Variants in ROBO2 observed in about 807,000 individuals in gnomAD.
ROBO2 encodes the protein roundabout homolog 2.
In ROBO2, 53 loss-of-function variants were observed where a neutral mutation model predicts 160.8. That is an observed-to-expected ratio of 0.33 (90% CI 0.26 to 0.41). The LOEUF (loss-of-function observed/expected upper bound fraction) is 0.41, where lower values mean the gene tolerates loss of function less well. Ranked by LOEUF, ROBO2 falls within the 10% of genes least tolerant of loss-of-function variation. The pLI is 1.00. For missense variants in ROBO2, 1,577 were observed against 1,722.4 expected (o/e 0.92, Z 1.49); for synonymous variants, 664 against 611.7 (o/e 1.09, Z -1.26).
At chr3:77,223,585 C>T (rs1240371842) in intron 2 of ROBO2, among the ~76,000 whole-genome samples, 2 of 152,000 alleles carry the variant, frequency 1.3e-5, no homozygotes, top group Non-Finnish European at 2.9e-5. Context: ...TTGCTTTCTC[C>T]TATAGATTCA....
At chr3:76,386,200 C>T (rs1268432849) in intron 2 of ROBO2, among the ~76,000 whole-genome samples, 2 of 152,054 alleles carry the variant, frequency 1.3e-5, no homozygotes, top group Non-Finnish European at 2.9e-5. Flanking sequence ...TATTCATGCA[C>T]ATTTAATAAA....
intron 2 of ROBO2, among the ~76,000 whole-genome samples, chr3:76,931,291 T>A (rs7431842): frequency 0.45 from 68,380 of 151,930 alleles, 15,719 homozygotes; most frequent in African/African-American, 0.54. Context: ...AAGCAGAACC[T>A]AATCAATTTA....
At chr3:76,751,097 G>A (rs2093977719) in intron 2 of ROBO2, among the ~76,000 whole-genome samples, 1 of 151,946 alleles carries the variant, frequency 6.6e-6, no homozygotes, top group South Asian at 2.1e-4. Flanking sequence ...CCAAAACAGA[G>A]ATATAGACCA....
intron 2 of ROBO2, among the ~76,000 whole-genome samples, chr3:77,421,900 A>G (rs906488998): frequency 4.6e-5 from 7 of 152,308 alleles, no homozygotes; most frequent in Non-Finnish European, 1.0e-4. Context: ...CTGTCTAAAA[A>G]TGTTATTTCC....
chr3:77,414,668 G>C (rs780515852), intron 2 of ROBO2, among the ~76,000 whole-genome samples: 3 of 152,130 alleles, frequency 2.0e-5, no homozygotes, highest in Non-Finnish European at 4.4e-5. Context: ...AGAGAAGGGA[G>C]ATAATGGGTG....
intron 2 of ROBO2, among the ~76,000 whole-genome samples, chr3:76,059,602 C>T (rs1213590725): frequency 6.6e-6 from 1 of 152,018 alleles, no homozygotes; most frequent in African/African-American, 2.4e-5. Flanking sequence ...CTGTAAGTTG[C>T]CTGTTCACTC....
At chr3:76,289,116 C>T (rs146855296) in intron 2 of ROBO2, among the ~76,000 whole-genome samples, 358 of 152,244 alleles carry the variant, frequency 2.4e-3, no homozygotes, top group African/African-American at 8.1e-3. Flanking sequence ...CCACCAGTAG[C>T]GTATAAGGGT....
intron 2 of ROBO2, among the ~76,000 whole-genome samples, chr3:76,536,043 C>T (rs1424688952): frequency 2.0e-5 from 3 of 152,096 alleles, no homozygotes; most frequent in Non-Finnish European, 4.4e-5. Flanking sequence ...ACAGGTGGGA[C>T]ATGGCTTAGG....
chr3:77,481,002 A>G (rs2084623721), intron 3 of ROBO2, 97 bp from the exon 4 acceptor site: 7 of 1,128,178 alleles, frequency 6.2e-6, no homozygotes, highest in Non-Finnish European at 9.2e-6. Flanking sequence ...TGGGAAACAA[A>G]TATGCTCAAA....
chr3:76,257,077 A>G (rs1204700117), intron 2 of ROBO2, among the ~76,000 whole-genome samples: 1 of 152,016 alleles, frequency 6.6e-6, no homozygotes, highest in African/African-American at 2.4e-5. Context: ...AGGGATTACA[A>G]CTCATAACAT....
chr3:77,062,197 C>T (rs2066393270), intron 1 of ROBO2, among the ~76,000 whole-genome samples: 1 of 152,122 alleles, frequency 6.6e-6, no homozygotes, highest in African/African-American at 2.4e-5. Context: ...TGTTAAGATT[C>T]ACCCATTTCT....
chr3:77,174,395 G>A (rs959321397), intron 2 of ROBO2, among the ~76,000 whole-genome samples: 4 of 151,778 alleles, frequency 2.6e-5, no homozygotes, highest in East Asian at 1.9e-4. Context: ...ATATTAGCCC[G>A]TATTAATAGG....
At chr3:77,388,790 A>G (rs957247423) in intron 2 of ROBO2, among the ~76,000 whole-genome samples, 1 of 152,234 alleles carries the variant, frequency 6.6e-6, no homozygotes, top group Non-Finnish European at 1.5e-5. Context: ...AGGAACCTTA[A>G]TACACCAATA....
chr3:77,626,992 A>G (rs2095041529), intron 23 of ROBO2, among the ~76,000 whole-genome samples: 2 of 152,146 alleles, frequency 1.3e-5, no homozygotes, highest in African/African-American at 4.8e-5. Context: ...TTGACCTGAA[A>G]CTTTGCTTTT....
rs1358165513 is a variant in ROBO2, at chr3:76,789,559, G to C, written c.110-308455G>C. ...TCTGTTCCCCTTCCTATTGTACTGCGGATGCAGTAATTAGTTTGCAAAGAG... is the reference window on the plus strand; with the variant it reads ...TCTGTTCCCCTTCCTATTGTACTGCCGATGCAGTAATTAGTTTGCAAAGAG... On this transcript the variant is annotated intron_variant, in intron 2 of 26. Transcript: ENST00000487694. 2.0e-5 allele frequency among the ~76,000 whole-genome samples: 3 copies of C among 151,464 alleles called. No homozygotes were observed. The South Asian group carries it at 6.2e-4, about 31-fold the overall frequency.
In ROBO2 at chr3:76,639,207, C is replaced by T. The variant is rs375339614; in HGVS notation, c.110-458807C>T. Reference sequence around the variant, plus strand: ...ATACATGTGTATATGTATCTATAAGCATGTATATGTACATATTTACATATA... The same window carrying T: ...ATACATGTGTATATGTATCTATAAGTATGTATATGTACATATTTACATATA... On this transcript the variant is annotated intron_variant, in intron 2 of 26. Transcript: ENST00000487694. Among the ~76,000 whole-genome samples the T allele has an allele frequency of 3.7e-4, 56 of 151,626 alleles. No individual in the cohort carries two copies. In the South Asian group the frequency reaches 0.012, roughly 32 times the overall value.
chr3:75,996,694 C>A (rs1415872066), intron 2 of ROBO2, among the ~76,000 whole-genome samples: 2 of 151,956 alleles, frequency 1.3e-5, no homozygotes, highest in African/African-American at 4.8e-5. Context: ...AATAATTTAC[C>A]TTTTCCTCCT....
intron 2 of ROBO2, among the ~76,000 whole-genome samples, chr3:75,961,268 A>G (rs1372303333): frequency 6.6e-6 from 1 of 151,722 alleles, no homozygotes. Flanking sequence ...GCTAGAACAT[A>G]TTATATATTT....
At chr3:76,438,258 C>T (rs1192553485) in intron 2 of ROBO2, among the ~76,000 whole-genome samples, 2 of 152,014 alleles carry the variant, frequency 1.3e-5, no homozygotes, top group Non-Finnish European at 2.9e-5. Flanking sequence ...ATGCCATCCT[C>T]AATTGGTATT....
Sources: gnomAD v4.1 joint callset for allele counts (sites outside exome capture counted in the v4.1 genomes callset) on GRCh38, gnomAD v4.1.1 for gene constraint, MANE v1.5 for transcripts, NCBI Gene and HGNC (gene_info 2026-07-23, HGNC 2026-07-21) for gene names.